Variants in SLC4A4 observed in about 807,000 individuals in gnomAD.
The protein encoded by SLC4A4 is solute carrier family 4 member 4.
In SLC4A4, 27 loss-of-function variants were observed where a neutral mutation model predicts 111.5. The ratio of observed to expected loss-of-function variants is 0.24; its 90% CI spans 0.18 to 0.33. The LOEUF (loss-of-function observed/expected upper bound fraction) is 0.33. Among genes scored for constraint, SLC4A4 ranks in the 10% least tolerant of loss-of-function variants. The pLI, the probability that SLC4A4 is intolerant of heterozygous loss-of-function variation, is 1.00. For missense variants in SLC4A4, 909 were observed against 1,315.5 expected (o/e 0.69, Z 4.78); for synonymous variants, 443 against 463.4 (o/e 0.96, Z 0.57).
At chr4:71,549,927 T>C (rs1041560685) in intron 20 of SLC4A4, among the ~76,000 whole-genome samples, 1 of 151,884 alleles carries the variant, frequency 6.6e-6, no homozygotes, top group Non-Finnish European at 1.5e-5. Flanking sequence ...AGAAACAGAT[T>C]AGAATGAGAG....
At chr4:71,555,811 A>G (rs1736421732) in intron 21 of SLC4A4, among the ~76,000 whole-genome samples, 1 of 151,936 alleles carries the variant, frequency 6.6e-6, no homozygotes. Context: ...CTGAGGTGAA[A>G]GGTTCACTTG....
At chr4:71,532,359 A>G (rs1734011276) in intron 17 of SLC4A4, among the ~76,000 whole-genome samples, 184 bp downstream of exon 17, 1 of 152,148 alleles carries the variant, frequency 6.6e-6, no homozygotes, top group Admixed American at 6.6e-5. Flanking sequence ...TTAAATGTCA[A>G]GACTAGGGTT....
At chr4:71,164,846 C>G (rs1347059172) in intron 2 of SLC4A4, among the ~76,000 whole-genome samples, 2 of 151,296 alleles carry the variant, frequency 1.3e-5, no homozygotes, top group East Asian at 3.9e-4. Context: ...AGAACTTAAA[C>G]AAATTTACAA....
chr4:71,522,990 C>T (rs1733092439), intron 16 of SLC4A4, among the ~76,000 whole-genome samples: 1 of 152,058 alleles, frequency 6.6e-6, no homozygotes, highest in Non-Finnish European at 1.5e-5. Context: ...TTTTAATTGA[C>T]ATTTTGGTCT....
At chr4:71,082,039 G>A (rs1484042187) in intron 1 of SLC4A4, among the ~76,000 whole-genome samples, 1 of 151,922 alleles carries the variant, frequency 6.6e-6, no homozygotes, top group Non-Finnish European at 1.5e-5. Flanking sequence ...GCTCCCTTTG[G>A]TAAATTTTCT....
At chr4:71,165,485 T>C (rs1401641635) in intron 2 of SLC4A4, among the ~76,000 whole-genome samples, 1 of 151,980 alleles carries the variant, frequency 6.6e-6, no homozygotes, top group African/African-American at 2.4e-5. Flanking sequence ...TTCTCACTCA[T>C]AAGTGGGAGT....
At chr4:71,148,645 G>A (rs1317119507) in intron 2 of SLC4A4, among the ~76,000 whole-genome samples, 2 of 152,072 alleles carry the variant, frequency 1.3e-5, no homozygotes, top group Non-Finnish European at 2.9e-5. Context: ...GAGAGCATGT[G>A]GTATTTGGTT....
At chr4:71,494,840 C>A (rs1354056339) in intron 15 of SLC4A4, among the ~76,000 whole-genome samples, 1 of 151,872 alleles carries the variant, frequency 6.6e-6, no homozygotes, top group Non-Finnish European at 1.5e-5. Flanking sequence ...GTGAAATGGA[C>A]CCTGCCTGAA....
intron 2 of SLC4A4, among the ~76,000 whole-genome samples, chr4:71,145,093 A>G (rs1382356615): frequency 6.6e-6 from 1 of 152,198 alleles, no homozygotes; most frequent in Non-Finnish European, 1.5e-5. Flanking sequence ...TTTGTCATAG[A>G]TAACTCTTAT....
chr4:71,093,666 A>ATTG (rs33929741), intron 2 of SLC4A4, among the ~76,000 whole-genome samples: 4 of 151,972 alleles, frequency 2.6e-5, no homozygotes, highest in African/African-American at 9.7e-5. Flanking sequence ...AATGATTGCT[A>ATTG]TTGTTGTTGT....
intron 7 of SLC4A4, among the ~76,000 whole-genome samples, chr4:71,417,123 G>A (rs1015464053): frequency 1.3e-5 from 2 of 152,192 alleles, no homozygotes; most frequent in African/African-American, 4.8e-5. Context: ...GACTTCATGT[G>A]TTTAACAAAC....
At chr4:71,430,201 A>T (rs987798171) in intron 7 of SLC4A4, among the ~76,000 whole-genome samples, 1 of 151,888 alleles carries the variant, frequency 6.6e-6, no homozygotes, top group Non-Finnish European at 1.5e-5. Context: ...TATGGTATTT[A>T]TGTTTCTTTT....
At chr4:71,301,971 G>A (rs1338105800) in intron 3 of SLC4A4, among the ~76,000 whole-genome samples, 2 of 152,204 alleles carry the variant, frequency 1.3e-5, no homozygotes, top group African/African-American at 4.8e-5. Context: ...AAGTAAGGCA[G>A]TCTTAGTTTT....
chr4:71,188,210 A>G (rs1010983435), intron 1 of SLC4A4, among the ~76,000 whole-genome samples: 2 of 152,250 alleles, frequency 1.3e-5, no homozygotes, highest in Non-Finnish European at 2.9e-5. Context: ...CCATAAAGAC[A>G]AAAGTTCTTA....
intron 6 of SLC4A4, among the ~76,000 whole-genome samples, chr4:71,394,908 C>G (rs1719661579): frequency 6.6e-6 from 1 of 151,980 alleles, no homozygotes; most frequent in East Asian, 1.9e-4. Context: ...GTACAATGGA[C>G]TTTGGGAACT....
chr4:71,179,564 G>C (rs546115254), intron 2 of SLC4A4, among the ~76,000 whole-genome samples: 16 of 150,388 alleles, frequency 1.1e-4, no homozygotes, highest in African/African-American at 3.9e-4. Flanking sequence ...ACCAATAACA[G>C]ACAGAGAGCC....
intron 16 of SLC4A4, among the ~76,000 whole-genome samples, chr4:71,508,837 C>T (rs1275218483): frequency 2.6e-5 from 4 of 152,164 alleles, no homozygotes; most frequent in Non-Finnish European, 5.9e-5. Context: ...CCTTGATGAA[C>T]ATTGATGCAA....
chr4:71,490,470 T>C (rs1729798775), intron 15 of SLC4A4, among the ~76,000 whole-genome samples: 1 of 151,832 alleles, frequency 6.6e-6, no homozygotes, highest in South Asian at 2.1e-4. Flanking sequence ...TGGAATGCTG[T>C]ATTTTGTTTG....
intron 3 of SLC4A4, among the ~76,000 whole-genome samples, chr4:71,261,497 A>G (rs2149068422): frequency 6.6e-6 from 1 of 152,240 alleles, no homozygotes; most frequent in African/African-American, 2.4e-5. Context: ...TATTTGGCAT[A>G]CTTGTGTTTT....
Sources: allele counts gnomAD v4.1 joint callset (sites outside exome capture counted in the v4.1 genomes callset), GRCh38; gene constraint gnomAD v4.1.1; transcripts MANE v1.5; gene names NCBI Gene and HGNC (gene_info 2026-07-23, HGNC 2026-07-21).